DPP6: variants seen among roughly 807,000 people sequenced by gnomAD.
DPP6 encodes A-type potassium channel modulatory protein DPP6.
Under a neutral mutation model 122.6 loss-of-function variants are expected in DPP6, and 69 were observed. That is an observed-to-expected ratio of 0.56 (90% CI 0.46 to 0.69). DPP6 has a LOEUF of 0.69. Ranked by LOEUF, DPP6 falls within the 30% of genes least tolerant of loss-of-function variation. The probability of loss-of-function intolerance (pLI) is 0.00; values close to 1 mark genes in which losing one functional copy is unlikely to be tolerated. For synonymous variants in DPP6, 418 were observed against 433.1 expected (o/e 0.97, Z 0.43); for missense variants, 928 against 1,116.9 (o/e 0.83, Z 2.41).
intron 5 of DPP6, among the ~76,000 whole-genome samples, chr7:154,611,866 T>C (rs909815436): frequency 2.0e-5 from 3 of 152,070 alleles, no homozygotes; most frequent in African/African-American, 7.2e-5. Context: ...TGTGTGTGTG[T>C]GTGTGTGTGT....
intron 1 of DPP6, among the ~76,000 whole-genome samples, chr7:154,353,539 T>C (rs1237879952): frequency 1.3e-5 from 2 of 152,164 alleles, no homozygotes; most frequent in East Asian, 1.9e-4. Context: ...TTTAAATCTT[T>C]CCATGTGTGT....
At chr7:154,834,708 G>A (rs111366923) in intron 16 of DPP6, among the ~76,000 whole-genome samples, 348 of 152,348 alleles carry the variant, frequency 2.3e-3, no homozygotes, top group African/African-American at 7.8e-3. Flanking sequence ...TGCCTCTTCC[G>A]CTGCTGTGGG....
At chr7:153,810,090 G>C in the DPP6 span, among the ~76,000 whole-genome samples, 1 of 152,234 alleles carries the variant, frequency 6.6e-6, no homozygotes, top group Non-Finnish European at 1.5e-5. Flanking sequence ...GCAGTTTTAG[G>C]CAAAGTTCAC....
At chr7:154,652,866 G>A (rs953978927) in intron 6 of DPP6, among the ~76,000 whole-genome samples, 8 of 152,078 alleles carry the variant, frequency 5.3e-5, no homozygotes, top group Non-Finnish European at 7.4e-5. Flanking sequence ...ACCAGCGAAC[G>A]GCTTCAGAAA....
At chr7:154,414,283 G>T (rs1214697080) in intron 1 of DPP6, among the ~76,000 whole-genome samples, 5 of 152,276 alleles carry the variant, frequency 3.3e-5, no homozygotes, top group African/African-American at 9.6e-5. Flanking sequence ...GATCTTTTCA[G>T]CTTTTGAGTT....
intron 3 of DPP6, among the ~76,000 whole-genome samples, chr7:154,479,328 T>TG (rs1311129294): frequency 6.6e-6 from 1 of 151,116 alleles, no homozygotes; most frequent in Non-Finnish European, 1.5e-5. Flanking sequence ...GAGGCCAAGG[T>TG]GGGTGGATCA....
intron 1 of DPP6, among the ~76,000 whole-genome samples, chr7:154,073,485 A>G (rs1471379746): frequency 1.3e-5 from 2 of 152,254 alleles, no homozygotes; most frequent in Non-Finnish European, 2.9e-5. Context: ...TGTTTTATAC[A>G]TCAGTTATTC....
intron 1 of DPP6, among the ~76,000 whole-genome samples, chr7:154,242,579 C>T (rs1211793099): frequency 6.6e-6 from 1 of 152,184 alleles, no homozygotes; most frequent in Non-Finnish European, 1.5e-5. Flanking sequence ...CAGCACAGAA[C>T]TGTAATTCTT....
chr7:154,105,378 G>A (rs541373763), intron 1 of DPP6, among the ~76,000 whole-genome samples: 15 of 152,170 alleles, frequency 9.9e-5, no homozygotes, highest in Non-Finnish European at 1.5e-4. Flanking sequence ...CAGGCCTGCC[G>A]AGGCTGCTCA....
chr7:154,271,927 T>C (rs905911119), intron 1 of DPP6, among the ~76,000 whole-genome samples: 24 of 152,346 alleles, frequency 1.6e-4, no homozygotes, highest in African/African-American at 5.8e-4. Context: ...TAGAAAGATT[T>C]ATGAATGAGA....
chr7:154,808,364 C>G (rs894275870), intron 16 of DPP6, among the ~76,000 whole-genome samples: 1 of 152,170 alleles, frequency 6.6e-6, no homozygotes, highest in East Asian at 1.9e-4. Flanking sequence ...TCTTCTAAGA[C>G]AGCAAGGAGA....
intron 1 of DPP6, among the ~76,000 whole-genome samples, chr7:154,075,990 TAG>T (rs1803522549): frequency 6.6e-6 from 1 of 151,704 alleles, no homozygotes; most frequent in Non-Finnish European, 1.5e-5. Flanking sequence ...TTTCAATATA[TAG>T]GCTAAATAAA....
chr7:154,803,731 G>A, intron 13 of DPP6, 133 bp from the exon 14 acceptor site: 3 of 1,355,992 alleles, frequency 2.2e-6, no homozygotes, highest in Non-Finnish European at 3.0e-6. Flanking sequence ...GCAGGCAGAA[G>A]GGGCAGAGAG....
intron 1 of DPP6, among the ~76,000 whole-genome samples, chr7:154,062,302 C>T (rs1461712572): frequency 1.3e-5 from 1 of 78,192 alleles, no homozygotes; most frequent in African/African-American, 5.2e-5. Context: ...TCCCCCCCGG[C>T]TCTGAGGACC....
intron 1 of DPP6, among the ~76,000 whole-genome samples, chr7:154,279,059 A>AT (rs1276075064): frequency 6.8e-6 from 1 of 148,080 alleles, no homozygotes; most frequent in Non-Finnish European, 1.5e-5. Context: ...GTGTGTATAT[A>AT]TGTGTGTGTG....
intron 5 of DPP6, among the ~76,000 whole-genome samples, chr7:154,596,839 A>G (rs1414085909): frequency 6.6e-6 from 1 of 152,212 alleles, no homozygotes; most frequent in African/African-American, 2.4e-5. Flanking sequence ...GATAAAATCC[A>G]TTTCTTCTGA....
chr7:154,107,876 G>C (rs1307620231), intron 1 of DPP6, among the ~76,000 whole-genome samples: 1 of 152,166 alleles, frequency 6.6e-6, no homozygotes, highest in African/African-American at 2.4e-5. Flanking sequence ...CAGACTCAGT[G>C]AACAGCCTCA....
chr7:153,851,173 A>G, the DPP6 span, among the ~76,000 whole-genome samples: 1 of 152,200 alleles, frequency 6.6e-6, no homozygotes, highest in Non-Finnish European at 1.5e-5. Context: ...ACCTACTCCC[A>G]CTTTCGCCAT....
rs201822172 is a variant in DPP6, at chr7:154,297,076, T to G, written c.244-149138T>G. ...GAAATGTATTCTGTTTTTTTTTTTT[T>G]GTTTTGTTTTTCTATTTGGAGGGTG... On this transcript the variant is annotated intron_variant, in intron 1 of 25. Transcript: ENST00000377770. Among the ~76,000 whole-genome samples, 242 of 141,718 alleles carry G rather than the reference T, an allele frequency of 1.7e-3. 9 individuals are homozygous for G. The East Asian group carries it at 0.035, about 20-fold the overall frequency. The allele number at this position is 141,718 out of a possible 152,430, so 93.0% of individuals were successfully genotyped here.
Sources: gnomAD v4.1 joint callset for allele counts (sites outside exome capture counted in the v4.1 genomes callset) on GRCh38, gnomAD v4.1.1 for gene constraint, MANE v1.5 for transcripts, NCBI Gene and HGNC (gene_info 2026-07-23, HGNC 2026-07-21) for gene names.